The following KANSL1 variants were observed in gnomAD, a reference collection of about 807,000 sequenced individuals.
KANSL1 encodes the protein KAT8 regulatory NSL complex subunit 1.
Under a neutral mutation model 103.6 loss-of-function variants are expected in KANSL1, and 22 were observed. The ratio of observed to expected loss-of-function variants is 0.21; its 90% CI spans 0.15 to 0.30. KANSL1 has a LOEUF of 0.30. Ranked by LOEUF, KANSL1 falls within the 10% of genes least tolerant of loss-of-function variation. The pLI is 1.00. For missense variants in KANSL1, 1,337 were observed against 1,399.8 expected, an observed-to-expected ratio of 0.96 and a Z score of 0.72; for synonymous variants, 600 against 527.6, an observed-to-expected ratio of 1.14 and a Z score of -1.88.
intron 4 of KANSL1, among the ~76,000 whole-genome samples, chr17:46,074,203 G>A (rs2078677389): frequency 6.6e-6 from 1 of 152,120 alleles, no homozygotes; most frequent in Non-Finnish European, 1.5e-5. Context: ...CAAAATATAA[G>A]CGGTACATGC....
intron 2 of KANSL1, among the ~76,000 whole-genome samples, chr17:46,162,312 A>C (rs1314715312): frequency 6.6e-6 from 1 of 152,258 alleles, no homozygotes; most frequent in Admixed American, 6.5e-5. Context: ...GAAATGAATT[A>C]AAGTACCATC....
intron 6 of KANSL1, among the ~76,000 whole-genome samples, chr17:46,060,925 C>T (rs1449416625): frequency 6.6e-6 from 1 of 152,126 alleles, no homozygotes; most frequent in Non-Finnish European, 1.5e-5. Context: ...AGAGCAATCC[C>T]CCCTATGACA....
chr17:46,053,460 T>C (rs951472197), intron 6 of KANSL1, among the ~76,000 whole-genome samples: 1 of 16,242 alleles, frequency 6.2e-5, no homozygotes, highest in African/African-American at 2.0e-4. Flanking sequence ...TACTTATTTT[T>C]TTTTTGAGAC....
upstream of KANSL1, chr17:46,193,614 G>C (rs1264336752): frequency 3.5e-6 from 1 of 286,766 alleles, no homozygotes; most frequent in Admixed American, 3.9e-5. Context: ...ATGGCTCCTC[G>C]CCGTGGCCGA....
chr17:46,069,498 A>G (rs547921724), intron 4 of KANSL1, among the ~76,000 whole-genome samples: 17 of 152,262 alleles, frequency 1.1e-4, no homozygotes, highest in African/African-American at 3.8e-4. Flanking sequence ...TAATCCCAGC[A>G]CTTTGGGAGG....
At chr17:46,077,562 T>C (rs912660459) in intron 4 of KANSL1, among the ~76,000 whole-genome samples, 1 of 152,154 alleles carries the variant, frequency 6.6e-6, no homozygotes, top group Non-Finnish European at 1.5e-5. Context: ...TCATGATTTT[T>C]TTATTTTATT....
intron 2 of KANSL1, 87 bp from the exon 3 acceptor site, chr17:46,094,788 A>G: frequency 6.6e-7 from 1 of 1,509,702 alleles, no homozygotes; most frequent in East Asian, 2.3e-5. Context: ...TTAACTTTTA[A>G]AGGCCCTTGC....
chr17:46,124,851 C>T (rs934736241), intron 2 of KANSL1, among the ~76,000 whole-genome samples: 2 of 151,766 alleles, frequency 1.3e-5, no homozygotes, highest in Non-Finnish European at 2.9e-5. Flanking sequence ...CGTGATAAAA[C>T]TGAAACAGAT....
intron 6 of KANSL1, among the ~76,000 whole-genome samples, chr17:46,054,351 G>A (rs62063683): frequency 0.14 from 21,786 of 152,182 alleles, 2,132 homozygotes; most frequent in Non-Finnish European, 0.22. Flanking sequence ...ATCGCGACCG[G>A]TCCCAGTCAT....
chr17:46,083,446 C>A (rs1171134640), intron 3 of KANSL1, among the ~76,000 whole-genome samples: 1 of 152,068 alleles, frequency 6.6e-6, no homozygotes, highest in African/African-American at 2.4e-5. Context: ...ACCTGGGGAA[C>A]CTTATCAAAC....
At chr17:46,184,837 CTTTTTTTTTT>C (rs66507225) in intron 1 of KANSL1, among the ~76,000 whole-genome samples, 3 of 128,290 alleles carry the variant, frequency 2.3e-5, no homozygotes, top group East Asian at 2.4e-4. Context: ...AGAGTATGTA[CTTTTTTTTTT>C]TTTTTTTTTT....
At chr17:46,090,416 G>A (rs1271481336) in intron 3 of KANSL1, among the ~76,000 whole-genome samples, 11 of 152,188 alleles carry the variant, frequency 7.2e-5, no homozygotes, top group East Asian at 1.9e-4. Context: ...AATACGACAC[G>A]TAAAGCTGTG....
Position 46,171,307 on chromosome 17 carries a change from A to G in KANSL1, c.837T>C (p.Asp279=), listed in dbSNP as rs758771116. Residue 279 remains aspartate (D), a synonymous_variant, in exon 2 of 15, where the codon GAT becomes GAC. Coordinates refer to ENST00000432791, the MANE Select transcript of KANSL1 (RefSeq NM_015443.4). ...GTAAAGCTGTTATCCTTGTGTCAGAATCTAAAGCACTGAAAAGAATGGAAG... is the reference window on the plus strand; with the variant it reads ...GTAAAGCTGTTATCCTTGTGTCAGAGTCTAAAGCACTGAAAAGAATGGAAG... ...PLSSILFSAL[D]SDTRITALLR... 6.2e-6 allele frequency: 10 copies of G among 1,614,048 alleles called. No homozygotes were observed. Among genetic ancestry groups the G allele is most frequent in the Non-Finnish European group, 7.6e-6 (9 of 1,180,052 alleles).
intron 10 of KANSL1, chr17:46,037,186 A>G (rs2077176167): frequency 6.6e-6 from 1 of 152,254 alleles, no homozygotes; most frequent in African/African-American, 2.4e-5. Flanking sequence ...GTGCTCACCA[A>G]GTCCTGAATC....
Position 46,171,927 on chromosome 17 carries a change from C to G in KANSL1, c.217G>C (p.Gly73Arg). Residue 73 changes from glycine (G) to arginine (R), a missense_variant, in exon 2 of 15, where the codon GGA (glycine) becomes CGA (arginine). Physicochemically the swap from Gly to Arg is moderately radical, Grantham distance 125 (BLOSUM62 -2). Around this residue, in one of 2 missense-constraint regions of KANSL1, gnomAD observed 557 missense variants for 476.4 expected, o/e 1.17. Coordinates refer to ENST00000432791, the MANE Select transcript of KANSL1 (RefSeq NM_015443.4). Reference protein sequence around the residue: ...FRNNPTKEDLGKLQPLVASYL... With the variant: ...FRNNPTKEDLRKLQPLVASYL... ...GATGCCACCAGTGGTTGCAGCTTTC[C>G]CAAGTCTTCCTTGGTAGGATTATTT... 1 of 1,614,240 alleles carries G rather than the reference C, an allele frequency of 6.2e-7. No individual in the cohort carries two copies. The highest frequency in any genetic ancestry group is 2.2e-5 in the East Asian group (1 of 44,882).
chr17:46,092,734 T>TGGGGG (rs1350619650), intron 3 of KANSL1: 2 of 35,082 alleles, frequency 5.7e-5, no homozygotes, highest in African/African-American at 1.7e-4. Flanking sequence ...GGGGGGAGGG[T>TGGGGG]GGGTGTCTTT....
intron 7 of KANSL1, 126 bp downstream of exon 7, chr17:46,050,407 G>T: frequency 1.1e-6 from 1 of 951,954 alleles, no homozygotes; most frequent in Non-Finnish European, 1.5e-6. Context: ...TCTAAGAGAA[G>T]ACTTGGTTGA....
At chr17:46,198,422 TAAAAAAA>T (rs58312564), upstream of KANSL1, among the ~76,000 whole-genome samples, 118 of 96,096 alleles carry the variant, frequency 1.2e-3, no homozygotes, top group Admixed American at 3.1e-3. Context: ...CTACTTTAAT[TAAAAAAA>T]AAAAAAAAAA....
At chr17:46,094,856 A>G (rs1348711414) in intron 2 of KANSL1, among the ~76,000 whole-genome samples, 155 bp from the exon 3 acceptor site, 1 of 152,248 alleles carries the variant, frequency 6.6e-6, no homozygotes, top group African/African-American at 2.4e-5. Flanking sequence ...CCTCCCGCTC[A>G]TCAGGATGCA....
Sources: gnomAD v4.1 joint callset for allele counts (sites outside exome capture counted in the v4.1 genomes callset) on GRCh38, gnomAD v4.1.1 for gene constraint, gnomAD v4.1.1 regional missense constraint, MANE v1.5 for transcripts, NCBI Gene and HGNC (gene_info 2026-07-23, HGNC 2026-07-21) for gene names.